KIN: variants seen among roughly 807,000 people sequenced by gnomAD.
KIN encodes DNA/RNA-binding protein KIN17.
In KIN, 47 loss-of-function variants were observed where a neutral mutation model predicts 63.0. The ratio of observed to expected loss-of-function variants is 0.75; its 90% CI spans 0.59 to 0.95. The LOEUF (loss-of-function observed/expected upper bound fraction) is 0.95. KIN is among the 40% of genes least tolerant of loss of function. The pLI is 0.00. For synonymous variants in KIN, 160 were observed against 157.7 expected (o/e 1.01, Z -0.11); for missense variants, 408 against 460.9 (o/e 0.89, Z 1.05).
intron 1 of KIN, 143 bp downstream of exon 1, chr10:7,787,677 G>T: frequency 1.5e-6 from 1 of 665,268 alleles, no homozygotes; most frequent in South Asian, 1.7e-5. Flanking sequence ...CTGAGTAGTT[G>T]ACTCGCCCAC....
chr10:7,787,789 G>A (rs1836059155), intron 1 of KIN, 31 bp downstream of exon 1: 2 of 1,531,022 alleles, frequency 1.3e-6, no homozygotes, highest in Non-Finnish European at 1.8e-6. Flanking sequence ...GGGCCCTCCT[G>A]GGAAGACGGG....
At position 7,761,215 on chromosome 10, in the gene KIN, T is replaced by C. The variant is rs1004484654; in HGVS notation, c.1019-1225A>G. 5 of 152,336 alleles carry C rather than the reference T, an allele frequency of 3.3e-5. No individual in the cohort carries two copies. The South Asian group carries it at 6.2e-4, about 19-fold the overall frequency. The allele number at this position is 152,336 out of a possible 1,614,324, so 9.4% of individuals were successfully genotyped here. On this transcript the variant is annotated intron_variant, in intron 11 of 12. Transcript: ENST00000379562. ...TATACTTTACATATGTGTGATTTAT[T>C]GTACATCAATTTTACCACAATAAAG...
intron 1 of KIN, among the ~76,000 whole-genome samples, chr10:7,786,654 G>A (rs1011300347): frequency 6.6e-6 from 1 of 152,020 alleles, no homozygotes; most frequent in African/African-American, 2.4e-5. Flanking sequence ...TCTGCTTTGT[G>A]AGGATAGAGG....
chr10:7,777,588 C>T (rs1378765981), intron 5 of KIN, among the ~76,000 whole-genome samples: 1 of 152,220 alleles, frequency 6.6e-6, no homozygotes, highest in Non-Finnish European at 1.5e-5. Context: ...CCTGCTCACA[C>T]ACAAGTGTTA....
intron 8 of KIN, among the ~76,000 whole-genome samples, chr10:7,767,001 C>T (rs11255349): frequency 0.33 from 49,489 of 149,302 alleles, 8,490 homozygotes; most frequent in East Asian, 0.47. Context: ...CCAGCCTGGG[C>T]CACAGAGTGA....
At chr10:7,780,021 G>T in intron 4 of KIN, 35 bp downstream of exon 4, 1 of 1,596,274 alleles carries the variant, frequency 6.3e-7, no homozygotes, top group Non-Finnish European at 8.6e-7. Flanking sequence ...ATTAGAAGTG[G>T]GAAAGAAAAA....
chr10:7,785,064 A>G (rs553708604), intron 1 of KIN, among the ~76,000 whole-genome samples: 1 of 151,990 alleles, frequency 6.6e-6, no homozygotes, highest in African/African-American at 2.4e-5. Context: ...AGCCTGGGCA[A>G]CATGGGGAGA....
Position 7,759,917 on chromosome 10 carries a change from A to T in KIN, c.1092T>A (p.Thr364=). Residue 364 remains threonine, a synonymous_variant, in exon 12 of 13, where the codon ACT becomes ACA. Coordinates refer to ENST00000379562, the MANE Select transcript of KIN (RefSeq NM_012311.4). ...EGTLESINEK[T]FSATIVIETG... is the part of the protein sequence containing the mutation. The stretch of plus-strand genomic sequence containing the variant: ...TTTCAATGACGATAGTAGCTGAAAA[A>T]GTCTTCTCATTGATGGATTCTAGGG... The T allele has an allele frequency of 1.3e-6, 2 of 1,564,382 alleles. No homozygotes were observed. The highest frequency in any genetic ancestry group is 1.7e-6 in the Non-Finnish European group (2 of 1,148,038).
rs1428249109 is a variant in KIN at position 7,755,747 on chromosome 10, T to TA, written c.*332dup. The TA allele has an allele frequency of 5.9e-6, 1 of 169,196 alleles. No homozygotes were observed. The highest frequency in any genetic ancestry group is 1.3e-5 in the Non-Finnish European group (1 of 79,632). 10.5% of individuals were successfully genotyped at this position (169,196 alleles called of 1,614,324 possible). A position where few individuals can be genotyped will look rare whatever the true frequency, so the allele number is the denominator to read the frequency against. ...CTTTACTACTCTACTACTGAAAATA[T>TA]AGAGTGTATGAAGGATTTCCTCCAA... On this transcript the variant is annotated 3_prime_UTR_variant, in exon 13 of 13. Coordinates refer to ENST00000379562, the MANE Select transcript of KIN (RefSeq NM_012311.4).
In KIN at chr10:7,755,730, C is replaced by A. The variant is rs1835320114; in HGVS notation, c.*350G>T. 6.2e-6 allele frequency: 1 copy of A among 161,944 alleles called. No homozygotes were observed. 10.0% of individuals were successfully genotyped at this position (161,944 alleles called of 1,614,324 possible). A position where few individuals can be genotyped will look rare whatever the true frequency, so the allele number is the denominator to read the frequency against. Reference sequence around the variant, plus strand: ...TCACACTTAGAGTTCAACTTTACTACTCTACTACTGAAAATATAGAGTGTA... The same window carrying A: ...TCACACTTAGAGTTCAACTTTACTAATCTACTACTGAAAATATAGAGTGTA... On this transcript the variant is annotated 3_prime_UTR_variant, in exon 13 of 13. Coordinates refer to ENST00000379562, the MANE Select transcript of KIN (RefSeq NM_012311.4).
At chr10:7,761,344 A>T (rs565566523) in intron 11 of KIN, 1 of 152,346 alleles carries the variant, frequency 6.6e-6, no homozygotes, top group South Asian at 2.1e-4. Flanking sequence ...TTATCACTAC[A>T]TTGGCAATGA....
chr10:7,781,356 G>A (rs756977964), intron 2 of KIN, among the ~76,000 whole-genome samples: 30 of 152,162 alleles, frequency 2.0e-4, no homozygotes, highest in Non-Finnish European at 3.8e-4. Context: ...TAAGGGAGAC[G>A]AGGTGGCTGG....
intron 7 of KIN, among the ~76,000 whole-genome samples, chr10:7,774,270 C>T (rs541267975): frequency 3.3e-5 from 5 of 152,140 alleles, no homozygotes; most frequent in East Asian, 3.9e-4. Context: ...GTACTGGGGA[C>T]GAAGGAGAGA....
chr10:7,764,513 A>T (rs1176806693), intron 9 of KIN, among the ~76,000 whole-genome samples: 1 of 152,238 alleles, frequency 6.6e-6, no homozygotes, highest in Non-Finnish European at 1.5e-5. Flanking sequence ...TTGCTACTTC[A>T]AGTGAATATA....
At chr10:7,759,852 G>C (rs1835404522) in intron 12 of KIN, 38 bp downstream of exon 12, 1 of 1,024,084 alleles carries the variant, frequency 9.8e-7, no homozygotes, top group South Asian at 1.4e-5. Flanking sequence ...CATTTTTAAA[G>C]CATTTTGAAA....
At chr10:7,775,376 C>A (rs1356694816) in intron 6 of KIN, among the ~76,000 whole-genome samples, 3 of 152,152 alleles carry the variant, frequency 2.0e-5, no homozygotes, top group African/African-American at 7.2e-5. Context: ...TTGCTCTTAA[C>A]AAGATTCTAG....
intron 2 of KIN, among the ~76,000 whole-genome samples, chr10:7,782,873 G>A (rs1835925369): frequency 6.6e-6 from 1 of 152,138 alleles, no homozygotes; most frequent in African/African-American, 2.4e-5. Flanking sequence ...ATCTGAAGTG[G>A]AAGAAAGGAA....
At chr10:7,778,596 G>A (rs1203926637) in intron 5 of KIN, among the ~76,000 whole-genome samples, 3 of 152,106 alleles carry the variant, frequency 2.0e-5, no homozygotes, top group Non-Finnish European at 2.9e-5. Context: ...AAAATTATCT[G>A]GGCGTGGTGG....
intron 12 of KIN, among the ~76,000 whole-genome samples, chr10:7,756,937 C>A (rs1483673406): frequency 6.6e-6 from 1 of 152,086 alleles, no homozygotes. Context: ...CGGATATAAC[C>A]TGGGAACACA....
Sources: allele counts gnomAD v4.1 joint callset (sites outside exome capture counted in the v4.1 genomes callset), GRCh38; gene constraint gnomAD v4.1.1; transcripts MANE v1.5; gene names NCBI Gene and HGNC (gene_info 2026-07-23, HGNC 2026-07-21).